The following LAPTM4B variants were observed in gnomAD, a reference collection of about 807,000 sequenced individuals.
LAPTM4B encodes lysosomal-associated transmembrane protein 4B.
In LAPTM4B, 26 loss-of-function variants were observed where a neutral mutation model predicts 28.5. The ratio of observed to expected loss-of-function variants is 0.91; its 90% CI spans 0.67 to 1.27. The LOEUF (loss-of-function observed/expected upper bound fraction) is 1.27, where lower values mean the gene tolerates loss of function less well. LAPTM4B is among the 50% of genes most tolerant of loss of function. LAPTM4B has a pLI of 0.00. For missense variants in LAPTM4B, 288 were observed against 285.8 expected (o/e 1.01, Z -0.06); for synonymous variants, 109 against 106.4 (o/e 1.02, Z -0.15).
intron 2 of LAPTM4B, among the ~76,000 whole-genome samples, chr8:97,810,721 T>C (rs899833153): frequency 6.6e-6 from 1 of 152,264 alleles, no homozygotes; most frequent in Non-Finnish European, 1.5e-5. Context: ...GTCTGTACTA[T>C]GCATAATATG....
intron 2 of LAPTM4B, among the ~76,000 whole-genome samples, chr8:97,810,077 G>A (rs1258843049): frequency 6.6e-6 from 1 of 152,074 alleles, no homozygotes. Context: ...CTAGAGGCAT[G>A]AGCCACCATG....
chr8:97,787,609 C>T (rs1264781328), intron 1 of LAPTM4B, among the ~76,000 whole-genome samples: 3 of 152,120 alleles, frequency 2.0e-5, no homozygotes, highest in Non-Finnish European at 4.4e-5. Context: ...ATACACCTAA[C>T]TTATTAAAGT....
intron 4 of LAPTM4B, among the ~76,000 whole-genome samples, chr8:97,818,762 C>CA (rs1816960315): frequency 1.3e-5 from 2 of 151,696 alleles, no homozygotes; most frequent in South Asian, 4.2e-4. Flanking sequence ...AGTGCAGTGG[C>CA]ATGATCTCGC....
chr8:97,853,012 A>AT (rs1817552608), exon 7 of LAPTM4B: 9 of 950,518 alleles, frequency 9.5e-6, no homozygotes, highest in Admixed American at 5.0e-5. Context: ...GTATTTTTAG[A>AT]TTTTTTATAC....
intron 4 of LAPTM4B, among the ~76,000 whole-genome samples, chr8:97,817,751 ATTTTT>A (rs937501736): frequency 1.7e-5 from 2 of 118,996 alleles, no homozygotes; most frequent in African/African-American, 5.8e-5. Context: ...TGCCTGGCTA[ATTTTT>A]GTATTTTTTT....
At chr8:97,844,748 T>C (rs2513970) in intron 6 of LAPTM4B, among the ~76,000 whole-genome samples, 110,776 of 152,042 alleles carry the variant, frequency 0.73, 41,149 homozygotes, top group African/African-American at 0.88. Context: ...TTCCCAGGCC[T>C]TTGCAGAAGC....
chr8:97,815,589 C>T lies in LAPTM4B; in HGVS notation c.285+188C>T, dbSNP rs1563612424. ...GGAAATTTTTTTTTTTTTGGGAAGACGGGGTCTCACTCTGTCACACAGGCT... is the reference window on the plus strand; with the variant it reads ...GGAAATTTTTTTTTTTTTGGGAAGATGGGGTCTCACTCTGTCACACAGGCT... On this transcript the variant is annotated intron_variant, in intron 3 of 6. Coordinates refer to ENST00000521545, the MANE Select transcript of LAPTM4B (RefSeq NM_018407.6). Among the ~76,000 whole-genome samples, 4 of 151,226 alleles carry T rather than the reference C, an allele frequency of 2.6e-5. No individual in the cohort carries two copies. The South Asian group carries it at 6.3e-4, about 24-fold the overall frequency.
At chr8:97,781,162 G>A (rs1816304516) in intron 1 of LAPTM4B, among the ~76,000 whole-genome samples, 1 of 151,026 alleles carries the variant, frequency 6.6e-6, no homozygotes, top group South Asian at 2.1e-4. Flanking sequence ...TGTATTTTTA[G>A]TAGAGATGGG....
intron 6 of LAPTM4B, among the ~76,000 whole-genome samples, chr8:97,836,193 T>G (rs542629457): frequency 6.6e-6 from 1 of 152,274 alleles, no homozygotes; most frequent in East Asian, 1.9e-4. Context: ...AAGTTTTGTT[T>G]TGTTTTGTTT....
intron 1 of LAPTM4B, among the ~76,000 whole-genome samples, chr8:97,799,981 C>T (rs969221858): frequency 3.3e-5 from 5 of 152,158 alleles, no homozygotes; most frequent in African/African-American, 1.2e-4. Context: ...TTCAAATGCT[C>T]CCATCTCTGT....
At position 97,802,031 on chromosome 8, in the gene LAPTM4B, A is replaced by G. The variant is rs1212952457; in HGVS notation, c.100-3322A>G. Among the ~76,000 whole-genome samples, 5 of 152,192 alleles carry G rather than the reference A, an allele frequency of 3.3e-5. No homozygotes were observed. The East Asian group carries it at 9.6e-4, about 29-fold the overall frequency. ...TTAATCACACTGTTTAAAATGTGCT[A>G]TGAAATTTCTTGGATCTTTGGAGAG... On this transcript the variant is annotated intron_variant, in intron 1 of 6. Transcript: ENST00000521545.
At chr8:97,836,328 A>G (rs567377594) in intron 6 of LAPTM4B, among the ~76,000 whole-genome samples, 1 of 152,122 alleles carries the variant, frequency 6.6e-6, no homozygotes, top group South Asian at 2.1e-4. Flanking sequence ...CTACAGGCAC[A>G]TGCCACCATG....
At chr8:97,797,159 A>G (rs10100937) in intron 1 of LAPTM4B, among the ~76,000 whole-genome samples, 70,311 of 150,518 alleles carry the variant, frequency 0.47, 16,852 homozygotes, top group African/African-American at 0.56. Context: ...TTTGAGATGA[A>G]GTTTTGTTCT....
At chr8:97,828,407 G>A (rs773584757) in intron 6 of LAPTM4B, among the ~76,000 whole-genome samples, 1 of 152,160 alleles carries the variant, frequency 6.6e-6, no homozygotes, top group Admixed American at 6.5e-5. Flanking sequence ...TGTATGAACA[G>A]AGAGATTAGC....
chr8:97,825,362 G>A (rs1285542772), intron 6 of LAPTM4B, among the ~76,000 whole-genome samples: 1 of 152,176 alleles, frequency 6.6e-6, no homozygotes, highest in Non-Finnish European at 1.5e-5. Context: ...ATATTAAAAT[G>A]TAGATGGCTC....
At chr8:97,849,441 A>G (rs60690752) in intron 6 of LAPTM4B, among the ~76,000 whole-genome samples, 26,432 of 152,076 alleles carry the variant, frequency 0.17, 2,410 homozygotes, top group East Asian at 0.23. Flanking sequence ...GTGCTTCCTT[A>G]CCTCAGGCAT....
chr8:97,840,907 A>T (rs1817337701), intron 6 of LAPTM4B, among the ~76,000 whole-genome samples: 1 of 150,528 alleles, frequency 6.6e-6, no homozygotes, highest in African/African-American at 2.5e-5. Context: ...CACATCCCAG[A>T]TGGGGTGGCA....
intron 6 of LAPTM4B, among the ~76,000 whole-genome samples, chr8:97,828,764 G>A (rs1817132596): frequency 6.6e-6 from 1 of 152,200 alleles, no homozygotes; most frequent in Non-Finnish European, 1.5e-5. Flanking sequence ...GGCTAGCGGA[G>A]AAGTCATTGG....
At chr8:97,784,606 A>AT (rs1187058753) in intron 1 of LAPTM4B, among the ~76,000 whole-genome samples, 2 of 151,836 alleles carry the variant, frequency 1.3e-5, no homozygotes, top group African/African-American at 2.4e-5. Flanking sequence ...CACCCCGCTG[A>AT]TTTTTTTATT....
Sources: allele counts gnomAD v4.1 joint callset (sites outside exome capture counted in the v4.1 genomes callset), GRCh38; gene constraint gnomAD v4.1.1; transcripts MANE v1.5; gene names NCBI Gene and HGNC (gene_info 2026-07-23, HGNC 2026-07-21).